Variants in EXT1 observed in about 807,000 individuals in gnomAD.
EXT1 encodes the protein exostosin-1.
A neutral mutation model predicts 82.5 loss-of-function variants in EXT1; 20 were observed. The ratio of observed to expected loss-of-function variants is 0.24; its 90% CI spans 0.17 to 0.35. The LOEUF is 0.35. Ranked by LOEUF, EXT1 falls within the 10% of genes least tolerant of loss-of-function variation. The probability of loss-of-function intolerance (pLI) is 1.00; values close to 1 mark genes in which losing one functional copy is unlikely to be tolerated. For synonymous variants in EXT1, 348 were observed against 350.8 expected (o/e 0.99, Z 0.09); for missense variants, 757 against 936.5 (o/e 0.81, Z 2.50).
chr8:117,923,154 G>A (rs1320467570), intron 1 of EXT1, among the ~76,000 whole-genome samples: 2 of 151,658 alleles, frequency 1.3e-5, no homozygotes, highest in East Asian at 2.0e-4. Context: ...GTGAAACCCC[G>A]TCTTTACTAA....
At chr8:117,957,720 C>T (rs1054858764) in intron 1 of EXT1, among the ~76,000 whole-genome samples, 17 of 152,292 alleles carry the variant, frequency 1.1e-4, no homozygotes, top group African/African-American at 3.6e-4. Flanking sequence ...GGCATTCAAA[C>T]GTTTTGTACT....
At chr8:117,875,420 CTAAATAAATAAATAAATAAATAAATAAA>C (rs67268592) in intron 1 of EXT1, among the ~76,000 whole-genome samples, 1 of 139,272 alleles carries the variant, frequency 7.2e-6, no homozygotes, top group South Asian at 2.4e-4. Context: ...AACTACCTCT[CTAAATAAATAAATAAATAAATAAATAAA>C]TAAATAAATA....
chr8:118,019,246 T>A (rs200678667), intron 1 of EXT1, among the ~76,000 whole-genome samples: 8 of 145,624 alleles, frequency 5.5e-5, no homozygotes, highest in Admixed American at 2.1e-4. Flanking sequence ...GCAGTACGAT[T>A]GAAAGAAAGA....
At chr8:117,841,600 A>G (rs1198746089) in intron 1 of EXT1, among the ~76,000 whole-genome samples, 1 of 152,212 alleles carries the variant, frequency 6.6e-6, no homozygotes, top group African/African-American at 2.4e-5. Context: ...TGCCACTCTA[A>G]TAAATGGTTT....
chr8:117,871,372 T>C (rs1812867452), intron 1 of EXT1, among the ~76,000 whole-genome samples: 1 of 152,240 alleles, frequency 6.6e-6, no homozygotes, highest in Non-Finnish European at 1.5e-5. Flanking sequence ...GATAGAACTC[T>C]TCGTTCAGAA....
intron 1 of EXT1, among the ~76,000 whole-genome samples, chr8:117,943,914 C>A (rs929540409): frequency 6.6e-6 from 1 of 152,152 alleles, no homozygotes; most frequent in Non-Finnish European, 1.5e-5. Flanking sequence ...GTACTCCTGG[C>A]AAACCTCACC....
At chr8:117,918,098 G>A (rs540841595) in intron 1 of EXT1, among the ~76,000 whole-genome samples, 2 of 152,202 alleles carry the variant, frequency 1.3e-5, no homozygotes, top group African/African-American at 4.8e-5. Context: ...AAAGCCTCCC[G>A]TAATGCAGCT....
At chr8:117,984,276 G>T (rs932389473) in intron 1 of EXT1, among the ~76,000 whole-genome samples, 1 of 151,992 alleles carries the variant, frequency 6.6e-6, no homozygotes, top group Non-Finnish European at 1.5e-5. Context: ...AAAATTAGCT[G>T]GGTGTGGTAG....
At chr8:117,813,285 T>C (rs1196097715) in intron 7 of EXT1, among the ~76,000 whole-genome samples, 1 of 152,028 alleles carries the variant, frequency 6.6e-6, no homozygotes, top group African/African-American at 2.4e-5. Context: ...ATACAAAAAA[T>C]GCCAGGAGAC....
intron 1 of EXT1, among the ~76,000 whole-genome samples, chr8:117,911,125 A>C (rs1813639156): frequency 6.6e-6 from 1 of 152,240 alleles, no homozygotes; most frequent in Non-Finnish European, 1.5e-5. Flanking sequence ...CACTTGCCTC[A>C]GGTGCCAGTG....
At chr8:118,041,306 A>G (rs1316993724) in intron 1 of EXT1, among the ~76,000 whole-genome samples, 3 of 152,140 alleles carry the variant, frequency 2.0e-5, no homozygotes, top group Admixed American at 6.5e-5. Flanking sequence ...TTCATCTCCA[A>G]CTCCCATATA....
At chr8:117,977,011 C>T (rs1307966841) in intron 1 of EXT1, among the ~76,000 whole-genome samples, 1 of 152,130 alleles carries the variant, frequency 6.6e-6, no homozygotes, top group Non-Finnish European at 1.5e-5. Flanking sequence ...ATCTTTGGAA[C>T]TGATCATTCA....
chr8:117,901,575 A>C (rs751449595), intron 1 of EXT1, among the ~76,000 whole-genome samples: 2 of 152,160 alleles, frequency 1.3e-5, no homozygotes, highest in Non-Finnish European at 1.5e-5. Context: ...TTTCAATAAT[A>C]ACTTAGCTTA....
At chr8:117,920,433 T>C (rs528806914) in intron 1 of EXT1, among the ~76,000 whole-genome samples, 1 of 152,330 alleles carries the variant, frequency 6.6e-6, no homozygotes, top group East Asian at 1.9e-4. Flanking sequence ...GTATCTGTAG[T>C]GTGACTTCAA....
At chr8:118,102,277 T>A (rs942795509) in intron 1 of EXT1, among the ~76,000 whole-genome samples, 3 of 142,894 alleles carry the variant, frequency 2.1e-5, no homozygotes, top group African/African-American at 2.6e-5. Context: ...AAAATAATAA[T>A]AAACAAATAA....
At chr8:117,889,138 C>T (rs1426792018) in intron 1 of EXT1, among the ~76,000 whole-genome samples, 2 of 152,162 alleles carry the variant, frequency 1.3e-5, no homozygotes, top group African/African-American at 2.4e-5. Flanking sequence ...TCTTGGACTC[C>T]AGCATGTAAG....
chr8:117,923,567 A>C (rs1309818057), intron 1 of EXT1, among the ~76,000 whole-genome samples: 1 of 150,116 alleles, frequency 6.7e-6, no homozygotes, highest in Non-Finnish European at 1.5e-5. Context: ...AAAAAAAAAA[A>C]TACAAAAAAT....
chr8:117,993,265 C>A (rs1815472090), intron 1 of EXT1, among the ~76,000 whole-genome samples: 1 of 152,160 alleles, frequency 6.6e-6, no homozygotes. Flanking sequence ...TGTATGCATT[C>A]ATACTCACAG....
At chr8:117,853,489 C>A (rs1012841142) in intron 1 of EXT1, among the ~76,000 whole-genome samples, 11 of 152,258 alleles carry the variant, frequency 7.2e-5, no homozygotes, top group African/African-American at 2.6e-4. Context: ...CACTTTCATT[C>A]AGTTAAACAT....
Sources: gnomAD v4.1 joint callset for allele counts (sites outside exome capture counted in the v4.1 genomes callset) on GRCh38, gnomAD v4.1.1 for gene constraint, MANE v1.5 for transcripts, NCBI Gene and HGNC (gene_info 2026-07-23, HGNC 2026-07-21) for gene names.